The following CA8 variants were observed in gnomAD, a reference collection of about 807,000 sequenced individuals.
CA8 encodes carbonic anhydrase 8 (inactive).
In CA8, 22 loss-of-function variants were observed where a neutral mutation model predicts 41.4. That is an observed-to-expected ratio of 0.53 (90% confidence interval 0.38 to 0.76). The LOEUF is 0.76. Among genes scored for constraint, CA8 ranks in the 30% least tolerant of loss-of-function variants. The probability of loss-of-function intolerance (pLI) is 0.00; values close to 1 mark genes in which losing one functional copy is unlikely to be tolerated. For synonymous variants in CA8, 121 were observed against 130.6 expected (o/e 0.93, Z 0.50); for missense variants, 270 against 352.8 (o/e 0.77, Z 1.88).
At chr8:60,269,154 T>C (rs921652381) in intron 2 of CA8, among the ~76,000 whole-genome samples, 1 of 152,248 alleles carries the variant, frequency 6.6e-6, no homozygotes, top group Non-Finnish European at 1.5e-5. Flanking sequence ...ATTGTGTTTA[T>C]GGACTAAAAA....
intron 4 of CA8, among the ~76,000 whole-genome samples, chr8:60,231,429 G>T (rs1213262705): frequency 6.6e-6 from 1 of 152,052 alleles, no homozygotes; most frequent in Non-Finnish European, 1.5e-5. Flanking sequence ...ATTAATTTTT[G>T]ATATATATGC....
At chr8:60,243,814 G>A (rs1352613262) in intron 3 of CA8, among the ~76,000 whole-genome samples, 1 of 152,118 alleles carries the variant, frequency 6.6e-6, no homozygotes, top group Non-Finnish European at 1.5e-5. Flanking sequence ...TTCCATCGCA[G>A]GCTCCATTAC....
At position 60,255,278 on chromosome 8, in the gene CA8, A is replaced by T. The variant is rs183827906; in HGVS notation, c.417+10647T>A. 2.9e-3 allele frequency among the ~76,000 whole-genome samples: 359 copies of T among 124,208 alleles called. 5 individuals carry two copies. The highest frequency in any genetic ancestry group is 0.02 in the South Asian group (82 of 4,112). The allele number at this position is 124,208 out of a possible 152,430, so 81.5% of individuals were successfully genotyped here. Reference sequence around the variant, plus strand: ...CGCCCTACCTTTCCCGCCCCCGCCTAATTCTGGACAGACACTCTTCTCTCG... The same window carrying T: ...CGCCCTACCTTTCCCGCCCCCGCCTTATTCTGGACAGACACTCTTCTCTCG... On this transcript the variant is annotated intron_variant, in intron 3 of 8. Transcript: ENST00000317995.
intron 3 of CA8, among the ~76,000 whole-genome samples, chr8:60,250,688 A>C (rs78909002): frequency 0.033 from 5,049 of 152,306 alleles, 154 homozygotes; most frequent in South Asian, 0.13. Context: ...TGATTTCCGC[A>C]TATCTTTTCA....
intron 3 of CA8, among the ~76,000 whole-genome samples, chr8:60,252,803 A>T (rs1055105323): frequency 6.6e-6 from 1 of 151,114 alleles, no homozygotes; most frequent in Non-Finnish European, 1.5e-5. Flanking sequence ...TGAACTAGTG[A>T]ATATATGAAT....
chr8:60,253,560 G>A (rs12542601), intron 3 of CA8, among the ~76,000 whole-genome samples: 37,044 of 151,596 alleles, frequency 0.24, 5,524 homozygotes, highest in East Asian at 0.39. Context: ...TAGTCCACTC[G>A]CTGACATCAT....
chr8:60,191,081 A>T (rs1162571167), intron 8 of CA8, among the ~76,000 whole-genome samples: 4 of 151,472 alleles, frequency 2.6e-5, no homozygotes, highest in Admixed American at 6.6e-5. Flanking sequence ...CAAACTATAT[A>T]TTTTTTCCTG....
intron 7 of CA8, among the ~76,000 whole-genome samples, chr8:60,215,479 T>C (rs1806988350): frequency 6.6e-6 from 1 of 152,000 alleles, no homozygotes; most frequent in Non-Finnish European, 1.5e-5. Flanking sequence ...GCTTGGGTGA[T>C]GGGTCCACCA....
intron 7 of CA8, among the ~76,000 whole-genome samples, chr8:60,220,124 T>C (rs545237179): frequency 2.0e-5 from 3 of 152,134 alleles, no homozygotes; most frequent in Non-Finnish European, 4.4e-5. Flanking sequence ...CTGGCGATTA[T>C]AGCTCTTGTT....
At chr8:60,270,802 C>G (rs1007567900) in intron 2 of CA8, among the ~76,000 whole-genome samples, 1 of 152,144 alleles carries the variant, frequency 6.6e-6, no homozygotes, top group African/African-American at 2.4e-5. Flanking sequence ...TAAAACTTCC[C>G]CAAAATAGTA....
chr8:60,210,576 C>A (rs1173567511), intron 7 of CA8, among the ~76,000 whole-genome samples: 1 of 151,332 alleles, frequency 6.6e-6, no homozygotes. Context: ...ACGGATAGTT[C>A]AATTAGAATC....
Position 60,222,781 on chromosome 8 carries a change from T to C in CA8, c.626-20A>G, listed in dbSNP as rs754897617. 5.4e-6 allele frequency: 8 copies of C among 1,476,988 alleles called. No individual in the cohort carries two copies. Among genetic ancestry groups the C allele is most frequent in the South Asian group, 1.1e-5 (1 of 88,260 alleles). The allele number at this position is 1,476,988 out of a possible 1,614,324, so 91.5% of individuals were successfully genotyped here. A position where few individuals can be genotyped will look rare whatever the true frequency, so the allele number is the denominator to read the frequency against. On this transcript the variant is annotated intron_variant, in intron 6 of 8. Transcript: ENST00000317995. ...GAGGGTCTGCACAGCCACGTGGACA[T>C]GTAATGGAAAAGGCAAGTGAATTAA...
intron 8 of CA8, among the ~76,000 whole-genome samples, chr8:60,194,269 G>A (rs1342580194): frequency 1.1e-4 from 16 of 152,086 alleles, no homozygotes; most frequent in Admixed American, 1.0e-3. Context: ...TCAAATATCT[G>A]TAACTGTTCA....
intron 3 of CA8, among the ~76,000 whole-genome samples, chr8:60,236,392 T>G (rs74544780): frequency 0.023 from 3,558 of 152,228 alleles, 151 homozygotes; most frequent in African/African-American, 0.08. Flanking sequence ...TCCCTTAAAT[T>G]AAATCCCAAT....
At chr8:60,215,342 C>T (rs181590910) in intron 7 of CA8, among the ~76,000 whole-genome samples, 1,616 of 130,630 alleles carry the variant, frequency 0.012, 18 homozygotes, top group Middle Eastern at 0.024. Context: ...AAAACACTGT[C>T]GTGTGTGTGT....
rs558692419 is a variant in CA8 at position 60,200,725 on chromosome 8, A to G, written c.*35+8025T>C. 3.6e-4 allele frequency among the ~76,000 whole-genome samples: 55 copies of G among 152,126 alleles called. 1 individual carries two copies. Among genetic ancestry groups the G allele is most frequent in the Middle Eastern group, 3.4e-3 (1 of 294 alleles). On this transcript the variant is annotated intron_variant, in intron 8 of 8. Coordinates refer to ENST00000317995, the MANE Select transcript of CA8 (RefSeq NM_004056.6). ...ATACTACCTTATTTTGTGGATGACA[A>G]TAACTAACCACCACAATCCTCCCCA... is the stretch of plus-strand genomic sequence containing the variant.
At position 60,281,148 on chromosome 8, in the gene CA8, G is replaced by T. The variant is rs764983000; in HGVS notation, c.-1C>A. On this transcript the variant is annotated 5_prime_UTR_variant, in exon 1 of 9. Coordinates refer to ENST00000317995, the MANE Select transcript of CA8 (RefSeq NM_004056.6). ...CTTCGATGAAGCTCAGGTCCGCCAT[G>T]GGAAGGCCGCGGGGCCCCTCGGCGC... 6.4e-7 allele frequency: 1 copy of T among 1,557,972 alleles called. No homozygotes were observed. Among genetic ancestry groups the T allele is most frequent in the East Asian group, 2.4e-5 (1 of 41,570 alleles).
intron 3 of CA8, among the ~76,000 whole-genome samples, chr8:60,239,611 T>C (rs1192130415): frequency 1.3e-5 from 2 of 152,218 alleles, no homozygotes; most frequent in East Asian, 3.8e-4. Context: ...TGGACAAGCT[T>C]GCCCTAGAGA....
intron 3 of CA8, 36 bp from the exon 4 acceptor site, chr8:60,232,415 A>T (rs1367451700): frequency 7.5e-7 from 1 of 1,337,506 alleles, no homozygotes; most frequent in Non-Finnish European, 1.1e-6. Flanking sequence ...ACATCATTTA[A>T]TGTGCTACTT....
Sources: gnomAD v4.1 joint callset for allele counts (sites outside exome capture counted in the v4.1 genomes callset) on GRCh38, gnomAD v4.1.1 for gene constraint, MANE v1.5 for transcripts, NCBI Gene and HGNC (gene_info 2026-07-23, HGNC 2026-07-21) for gene names.